GALNT18: variants seen among roughly 807,000 people sequenced by gnomAD.
GALNT18 encodes the protein GalNAc-transferase 18.
GALNT18 carries 44 observed loss-of-function variants against 69.5 expected under a neutral mutation model. The ratio of observed to expected loss-of-function variants is 0.63; its 90% confidence interval spans 0.50 to 0.81. GALNT18 has a LOEUF of 0.81. Among genes scored for constraint, GALNT18 ranks in the 40% least tolerant of loss-of-function variants. The pLI is 0.00. For synonymous variants in GALNT18, 364 were observed against 318.2 expected (o/e 1.14, Z -1.53); for missense variants, 715 against 810.0 (o/e 0.88, Z 1.42).
At chr11:11,579,365 T>C (rs1051469417) in intron 1 of GALNT18, among the ~76,000 whole-genome samples, 1 of 152,150 alleles carries the variant, frequency 6.6e-6, no homozygotes, top group Non-Finnish European at 1.5e-5. Flanking sequence ...CTGGGCTATA[T>C]GGCTTGCTCA....
chr11:11,498,563 C>G (rs1438574725), intron 1 of GALNT18, among the ~76,000 whole-genome samples: 1 of 152,188 alleles, frequency 6.6e-6, no homozygotes, highest in Admixed American at 6.5e-5. Flanking sequence ...CTTTGGGAGG[C>G]CAAGGTGGGC....
In GALNT18 at chr11:11,383,756, C is replaced by T. The variant is rs991301695; in HGVS notation, c.596-4492G>A. Among the ~76,000 whole-genome samples, 10 of 152,160 alleles carry T rather than the reference C, an allele frequency of 6.6e-5. No individual in the cohort carries two copies. Among genetic ancestry groups the T allele is most frequent in the African/African-American group, 1.2e-4 (5 of 41,442 alleles). On this transcript the variant is annotated intron_variant, in intron 3 of 10. Transcript: ENST00000227756. This position sits in a 1 kb window ranked among gnomAD's most constrained non-coding sequence, Gnocchi z 5.2. ...TGCATCATGGGGGCAGTTTCCCACA[C>T]GCTGTTCTCATGATAGTGAGTGAGT...
At chr11:11,519,505 A>G (rs1857348874) in intron 1 of GALNT18, among the ~76,000 whole-genome samples, 1 of 152,194 alleles carries the variant, frequency 6.6e-6, no homozygotes, top group Non-Finnish European at 1.5e-5. Context: ...GCCTTCTGGG[A>G]CCAAAAGCAG....
At chr11:11,482,448 A>G (rs2133871336) in intron 1 of GALNT18, among the ~76,000 whole-genome samples, 1 of 152,328 alleles carries the variant, frequency 6.6e-6, no homozygotes, top group South Asian at 2.1e-4. Context: ...ACTGTTCTGC[A>G]ATGAGGGAAA....
intron 9 of GALNT18, among the ~76,000 whole-genome samples, chr11:11,294,041 C>G (rs1849353777): frequency 6.6e-6 from 1 of 152,178 alleles, no homozygotes; most frequent in South Asian, 2.1e-4. Flanking sequence ...CAAGACCACC[C>G]TCAGCTAAAT....
chr11:11,605,538 AG>A lies in GALNT18; in HGVS notation c.235+15820del, dbSNP rs984403953. 6.6e-5 allele frequency among the ~76,000 whole-genome samples: 10 copies of A among 152,302 alleles called. No individual in the cohort carries two copies. Among genetic ancestry groups the A allele is most frequent in the African/African-American group, 2.2e-4 (9 of 41,564 alleles). ...AGGAGGCCCTCTGTTTCTGCTTCAGAGGGAAAGCCAGAGGCCAACTTCCCTT... is the reference window on the plus strand; with the variant it reads ...AGGAGGCCCTCTGTTTCTGCTTCAGAGGAAAGCCAGAGGCCAACTTCCCTT... On this transcript the variant is annotated intron_variant, in intron 1 of 10. Transcript: ENST00000227756. This position sits in a 1 kb window ranked among gnomAD's most constrained non-coding sequence, Gnocchi z 4.7.
intron 8 of GALNT18, among the ~76,000 whole-genome samples, chr11:11,329,015 A>T (rs1849974921): frequency 6.6e-6 from 1 of 151,454 alleles, no homozygotes; most frequent in Admixed American, 6.6e-5. Flanking sequence ...TTAGGCAGGT[A>T]GTCCACTGAA....
intron 6 of GALNT18, among the ~76,000 whole-genome samples, chr11:11,354,890 T>C (rs1403638937): frequency 1.3e-5 from 2 of 152,184 alleles, no homozygotes; most frequent in African/African-American, 4.8e-5. Flanking sequence ...CCGAAGCCTG[T>C]AACCTGTAAT....
chr11:11,508,240 C>T (rs897333181), intron 1 of GALNT18, among the ~76,000 whole-genome samples: 20 of 152,108 alleles, frequency 1.3e-4, no homozygotes, highest in Non-Finnish European at 4.4e-5. Context: ...CACACATATA[C>T]CCTTTTTTGT....
chr11:11,344,505 G>A (rs150360137), intron 6 of GALNT18, among the ~76,000 whole-genome samples: 47 of 152,320 alleles, frequency 3.1e-4, no homozygotes, highest in Non-Finnish European at 4.6e-4. Flanking sequence ...CCTTAGACAC[G>A]TGCTAAATGG....
intron 2 of GALNT18, among the ~76,000 whole-genome samples, chr11:11,437,196 G>A (rs1362108165): frequency 5.3e-5 from 8 of 152,170 alleles, no homozygotes; most frequent in African/African-American, 1.7e-4. Context: ...TAAGCTCCTC[G>A]AGAACTCACA....
intron 1 of GALNT18, among the ~76,000 whole-genome samples, chr11:11,506,621 G>A (rs1857074058): frequency 6.6e-6 from 1 of 152,244 alleles, no homozygotes; most frequent in South Asian, 2.1e-4. Context: ...TTTTCTGGTA[G>A]AAAGTGGGGT....
At position 11,341,713 on chromosome 11, in the gene GALNT18, A is replaced by G. The variant is rs1850210829; in HGVS notation, c.1093-709T>C. On this transcript the variant is annotated intron_variant, in intron 6 of 10. Transcript: ENST00000227756. This position sits in a 1 kb window ranked among gnomAD's most constrained non-coding sequence, Gnocchi z 6.3. ...ATCTTTCCAGCCATCCTGACCTTTC[A>G]ATGTTCCTGAACTTGCACTCTTTTG... is the stretch of plus-strand genomic sequence containing the variant. Among the ~76,000 whole-genome samples, 2 of 152,132 alleles carry G rather than the reference A, an allele frequency of 1.3e-5. No homozygotes were observed. The highest frequency in any genetic ancestry group is 4.2e-4 in the South Asian group (2 of 4,812).
chr11:11,420,015 G>A (rs891620530), intron 3 of GALNT18, among the ~76,000 whole-genome samples: 19 of 152,234 alleles, frequency 1.2e-4, no homozygotes, highest in Admixed American at 1.0e-3. Context: ...CAGAAGGGGT[G>A]CAAGTCCCTG....
At chr11:11,369,810 G>GAA (rs202180020) in intron 6 of GALNT18, among the ~76,000 whole-genome samples, 1 of 144,758 alleles carries the variant, frequency 6.9e-6, no homozygotes, top group Non-Finnish European at 1.5e-5. Flanking sequence ...TTACAAATCA[G>GAA]AAAAAAAAAA....
intron 3 of GALNT18, among the ~76,000 whole-genome samples, chr11:11,386,602 T>C (rs61872157): frequency 0.081 from 12,306 of 152,308 alleles, 697 homozygotes; most frequent in Admixed American, 0.15. Context: ...TCTCAATCTC[T>C]GCATTAATTG....
intron 1 of GALNT18, among the ~76,000 whole-genome samples, chr11:11,566,535 G>T (rs1183282675): frequency 6.6e-6 from 1 of 152,202 alleles, no homozygotes; most frequent in East Asian, 1.9e-4. Context: ...TTCTTGAGAG[G>T]TGTCTTCGAT....
chr11:11,498,046 T>TA (rs1231108227), intron 1 of GALNT18, among the ~76,000 whole-genome samples: 3 of 152,150 alleles, frequency 2.0e-5, no homozygotes, highest in Non-Finnish European at 4.4e-5. Context: ...GAACTCGTCT[T>TA]AAAAAATGGA....
rs1286148316 is a variant in GALNT18, at chr11:11,603,505, G to A, written c.235+17854C>T. Among the ~76,000 whole-genome samples, 1 of 152,108 alleles carries A rather than the reference G, an allele frequency of 6.6e-6. No individual in the cohort carries two copies. The highest frequency in any genetic ancestry group is 1.5e-5 in the Non-Finnish European group (1 of 68,036). ...AAATCCAGTTTTGAAATGATACACA[G>A]CACCCACCCCCTCAACCATCAGAGC... On this transcript the variant is annotated intron_variant, in intron 1 of 10. Transcript: ENST00000227756. This position sits in a 1 kb window ranked among gnomAD's most constrained non-coding sequence, Gnocchi z 4.5.
Sources: allele counts gnomAD v4.1 joint callset (sites outside exome capture counted in the v4.1 genomes callset), GRCh38; gene constraint gnomAD v4.1.1; non-coding constraint Gnocchi (gnomAD v3.1); transcripts MANE v1.5; gene names NCBI Gene and HGNC (gene_info 2026-07-23, HGNC 2026-07-21).